Variants in GLI3 observed in about 807,000 individuals in gnomAD.
GLI3 encodes the protein GLI family zinc finger 3.
Under a neutral mutation model 100.8 loss-of-function variants are expected in GLI3, and 20 were observed. The ratio of observed to expected loss-of-function variants is 0.20; its 90% confidence interval spans 0.14 to 0.29. The LOEUF (loss-of-function observed/expected upper bound fraction) is 0.29, where lower values mean the gene tolerates loss of function less well. Among genes scored for constraint, GLI3 ranks in the 10% least tolerant of loss-of-function variants. The probability of loss-of-function intolerance (pLI) is 1.00; values close to 1 mark genes in which losing one functional copy is unlikely to be tolerated. For synonymous variants in GLI3, 938 were observed against 860.5 expected (o/e 1.09, Z -1.58); for missense variants, 2,040 against 2,128.5 (o/e 0.96, Z 0.82).
At chr7:41,969,516 C>T (rs899898389) in intron 13 of GLI3, among the ~76,000 whole-genome samples, 5 of 152,126 alleles carry the variant, frequency 3.3e-5, no homozygotes, top group African/African-American at 1.2e-4. Context: ...CCAAGCAGAG[C>T]CAAATAAGTT....
chr7:42,102,589 G>A (rs557819164), intron 3 of GLI3, among the ~76,000 whole-genome samples: 5 of 152,366 alleles, frequency 3.3e-5, no homozygotes, highest in Admixed American at 2.0e-4. Context: ...CCGAGCAGCT[G>A]TACAGGCTGG....
chr7:41,965,539 C>A lies in GLI3; in HGVS notation c.3534G>T (p.Lys1178Asn). The A allele has an allele frequency of 6.2e-7, 1 of 1,605,890 alleles. No homozygotes were observed. The highest frequency in any genetic ancestry group is 2.2e-5 in the East Asian group (1 of 44,582). The change falls in exon 15 of 15, where the codon AAG becomes AAT. Residue 1178 changes from lysine (K) to asparagine (N), a missense_variant. By Grantham distance (94) the Lys-to-Asn change is moderately conservative. Coordinates refer to ENST00000395925, the MANE Select transcript of GLI3 (RefSeq NM_000168.6). ...GCGGCACAGCGGGCCGCGGCCCACA[C>A]TTGAGCTTGGAGGAGGACAGGTCGG... ...GSADLSSSKL[K>N]CGPRPAVPQT...
chr7:42,196,455 C>T (rs1787930345), intron 2 of GLI3, among the ~76,000 whole-genome samples: 2 of 152,032 alleles, frequency 1.3e-5, no homozygotes, highest in Non-Finnish European at 2.9e-5. Context: ...AGAAGATGTA[C>T]CTCCCAAAAA....
chr7:41,993,285 TCCA>T (rs1788038753), intron 10 of GLI3, among the ~76,000 whole-genome samples: 1 of 152,114 alleles, frequency 6.6e-6, no homozygotes, highest in African/African-American at 2.4e-5. Flanking sequence ...AACATAGAGA[TCCA>T]CAGCTGGAGA....
chr7:42,211,735 G>T (rs535938390), intron 2 of GLI3, among the ~76,000 whole-genome samples: 1 of 152,092 alleles, frequency 6.6e-6, no homozygotes, highest in Admixed American at 6.6e-5. Context: ...TAACTGCCAC[G>T]CCATGTCCTC....
chr7:42,180,787 A>G (rs1045492737), intron 2 of GLI3, among the ~76,000 whole-genome samples: 1 of 152,236 alleles, frequency 6.6e-6, no homozygotes, highest in Non-Finnish European at 1.5e-5. Context: ...AAAGTCTTTG[A>G]CATCCAAAAA....
At chr7:42,227,220 C>A (rs1788598279) in intron 1 of GLI3, among the ~76,000 whole-genome samples, 2 of 151,928 alleles carry the variant, frequency 1.3e-5, no homozygotes, top group African/African-American at 4.8e-5. Context: ...TCCCTTTCAC[C>A]ACTGAAACAT....
intron 1 of GLI3, among the ~76,000 whole-genome samples, chr7:42,236,487 G>A (rs1788796657): frequency 1.3e-5 from 2 of 152,180 alleles, no homozygotes; most frequent in African/African-American, 4.8e-5. Context: ...AGCCCCAGCG[G>A]CGGCGGCCCC....
At chr7:42,106,014 C>T (rs1184914908) in intron 3 of GLI3, among the ~76,000 whole-genome samples, 2 of 152,130 alleles carry the variant, frequency 1.3e-5, no homozygotes. Flanking sequence ...TTCTCTCATC[C>T]TTTTTGCATT....
At chr7:42,158,955 T>C (rs1262145043) in intron 2 of GLI3, among the ~76,000 whole-genome samples, 1 of 152,216 alleles carries the variant, frequency 6.6e-6, no homozygotes, top group African/African-American at 2.4e-5. Flanking sequence ...ATTCTACTTC[T>C]GTTGTCGCTG....
chr7:42,087,676 A>G (rs1785130599), intron 3 of GLI3, among the ~76,000 whole-genome samples: 1 of 151,272 alleles, frequency 6.6e-6, no homozygotes, highest in Admixed American at 6.6e-5. Context: ...AGCTCATGAC[A>G]GAAATGACAG....
intron 2 of GLI3, chr7:42,151,759 T>C (rs1018163341): frequency 6.6e-6 from 1 of 152,200 alleles, no homozygotes; most frequent in Admixed American, 6.5e-5. Flanking sequence ...TCTTTTCATA[T>C]CCATGCTCAA....
intron 2 of GLI3, among the ~76,000 whole-genome samples, chr7:42,173,497 C>A (rs2128677783): frequency 6.6e-6 from 1 of 152,256 alleles, no homozygotes; most frequent in East Asian, 1.9e-4. Flanking sequence ...CCCATTTATT[C>A]TGATTTAGAA....
intron 3 of GLI3, among the ~76,000 whole-genome samples, chr7:42,134,822 T>C (rs1786387033): frequency 6.6e-6 from 1 of 152,070 alleles, no homozygotes; most frequent in Non-Finnish European, 1.5e-5. Flanking sequence ...CAGATTGCAG[T>C]TCACAACTCC....
intron 10 of GLI3, among the ~76,000 whole-genome samples, chr7:41,985,426 G>C (rs1393146247): frequency 6.6e-6 from 1 of 152,132 alleles, no homozygotes; most frequent in Non-Finnish European, 1.5e-5. Flanking sequence ...GGGATATAAA[G>C]AAGTAAACTA....
At chr7:42,040,322 A>T (rs1784106991) in intron 6 of GLI3, 83 bp from the exon 7 acceptor site, 1 of 1,043,724 alleles carries the variant, frequency 9.6e-7, no homozygotes, top group African/African-American at 1.6e-5. Flanking sequence ...TACGTGGAAG[A>T]AGTGAAGGAT....
chr7:42,112,110 T>C (rs1019544365), intron 3 of GLI3, among the ~76,000 whole-genome samples: 1 of 152,206 alleles, frequency 6.6e-6, no homozygotes, highest in African/African-American at 2.4e-5. Context: ...CACTATTCAC[T>C]GCATGACAGG....
At chr7:42,001,974 A>G (rs1438955212) in intron 10 of GLI3, among the ~76,000 whole-genome samples, 1 of 152,188 alleles carries the variant, frequency 6.6e-6, no homozygotes, top group African/African-American at 2.4e-5. Flanking sequence ...TGTTCATTAA[A>G]TGTATAAGCA....
At chr7:42,263,652 T>C (rs1583681065) in intron 1 of GLI3, among the ~76,000 whole-genome samples, 4 of 152,232 alleles carry the variant, frequency 2.6e-5, no homozygotes, top group Admixed American at 6.5e-5. Flanking sequence ...TTCACCATGT[T>C]GGCCTGACTG....
Sources: gnomAD v4.1 joint callset for allele counts (sites outside exome capture counted in the v4.1 genomes callset) on GRCh38, gnomAD v4.1.1 for gene constraint, MANE v1.5 for transcripts, NCBI Gene and HGNC (gene_info 2026-07-23, HGNC 2026-07-21) for gene names.